Variants in ARHGAP24 observed in about 807,000 individuals in gnomAD.
ARHGAP24 encodes the protein Rho GTPase activating protein 24.
ARHGAP24 carries 50 observed loss-of-function variants against 76.4 expected under a neutral mutation model. The ratio of observed to expected loss-of-function variants is 0.65; its 90% CI spans 0.52 to 0.83. The LOEUF is 0.83. Among genes scored for constraint, ARHGAP24 ranks in the 40% least tolerant of loss-of-function variants. The pLI, the probability that ARHGAP24 is intolerant of heterozygous loss-of-function variation, is 0.00. For synonymous variants in ARHGAP24, 345 were observed against 323.3 expected, an observed-to-expected ratio of 1.07 and a Z score of -0.72; for missense variants, 930 against 914.2, an observed-to-expected ratio of 1.02 and a Z score of -0.22.
intron 3 of ARHGAP24, among the ~76,000 whole-genome samples, chr4:85,746,465 T>C (rs1225985590): frequency 6.6e-6 from 1 of 152,230 alleles, no homozygotes; most frequent in Non-Finnish European, 1.5e-5. Flanking sequence ...TTTTTTCTTA[T>C]ACTAGTTCTT....
intron 3 of ARHGAP24, among the ~76,000 whole-genome samples, chr4:85,862,847 T>A (rs982848711): frequency 2.6e-5 from 4 of 152,158 alleles, no homozygotes; most frequent in African/African-American, 9.6e-5. Context: ...CCCAAATATA[T>A]TTCACATCTT....
intron 2 of ARHGAP24, among the ~76,000 whole-genome samples, chr4:85,594,872 A>AT (rs1032256552): frequency 1.3e-5 from 2 of 152,136 alleles, no homozygotes; most frequent in East Asian, 3.9e-4. Context: ...ACAAAACCCA[A>AT]TTTTTTCTTC....
chr4:85,573,037 C>T (rs547602390), intron 2 of ARHGAP24, among the ~76,000 whole-genome samples: 2 of 151,844 alleles, frequency 1.3e-5, no homozygotes, highest in African/African-American at 2.4e-5. Flanking sequence ...CCACCACACC[C>T]GGCTAATTTT....
chr4:85,901,898 G>A (rs1223841860), intron 3 of ARHGAP24, among the ~76,000 whole-genome samples: 1 of 151,694 alleles, frequency 6.6e-6, no homozygotes, highest in African/African-American at 2.4e-5. Context: ...ATGGTGGTTT[G>A]CTGCACCTAT....
intron 3 of ARHGAP24, among the ~76,000 whole-genome samples, chr4:85,724,782 A>T (rs1004619683): frequency 1.3e-5 from 2 of 152,120 alleles, no homozygotes; most frequent in African/African-American, 4.8e-5. Flanking sequence ...TATGAAATGA[A>T]TTATCTCTCT....
chr4:85,887,635 A>T (rs1354282464), intron 3 of ARHGAP24, among the ~76,000 whole-genome samples: 1 of 152,158 alleles, frequency 6.6e-6, no homozygotes, highest in Non-Finnish European at 1.5e-5. Flanking sequence ...AAGACGCTAA[A>T]TTACTGTAAC....
At chr4:85,672,139 A>G (rs1463377664) in intron 2 of ARHGAP24, among the ~76,000 whole-genome samples, 3 of 152,174 alleles carry the variant, frequency 2.0e-5, no homozygotes, top group African/African-American at 4.8e-5. Context: ...CAGAAACCAT[A>G]TGGATTAAAT....
intron 3 of ARHGAP24, among the ~76,000 whole-genome samples, chr4:85,767,636 A>AC (rs1429689489): frequency 2.3e-5 from 3 of 130,906 alleles, no homozygotes; most frequent in African/African-American, 8.6e-5. Flanking sequence ...CATATAGATT[A>AC]CCCCAAAGGG....
intron 1 of ARHGAP24, among the ~76,000 whole-genome samples, chr4:85,520,695 C>G (rs6814983): frequency 0.12 from 18,421 of 152,162 alleles, 3,140 homozygotes; most frequent in African/African-American, 0.38. Flanking sequence ...GGTTGTACCA[C>G]TGCTGATTCA....
At position 85,974,938 on chromosome 4, in the gene ARHGAP24, C is replaced by A; in HGVS notation, c.783C>A (p.Tyr261Ter). 1 of 1,613,774 alleles carries A rather than the reference C, an allele frequency of 6.2e-7. No homozygotes were observed. Among genetic ancestry groups the A allele is most frequent in the Non-Finnish European group, 8.5e-7 (1 of 1,179,828 alleles). ...KQVKSLPVVN[Y>*]NLLKYICRFL... ...TGAAGAGTTTGCCAGTGGTAAATTA[C>A]AACCTCCTCAAGTATATTTGCAGGT... Residue 261 changes from tyrosine (Y) to a stop codon, truncating the protein, a stop_gained, in exon 7 of 10, where the codon TAC becomes TAA. Coordinates refer to ENST00000395184, the MANE Select transcript of ARHGAP24 (RefSeq NM_001025616.3). LOFTEE classifies it high-confidence loss of function.
intron 2 of ARHGAP24, among the ~76,000 whole-genome samples, chr4:85,617,534 A>G (rs898708973): frequency 1.3e-5 from 2 of 152,112 alleles, no homozygotes; most frequent in African/African-American, 2.4e-5. Context: ...TTGAATTTGT[A>G]TATAGTTATT....
At chr4:85,666,726 A>T (rs1049084139) in intron 2 of ARHGAP24, among the ~76,000 whole-genome samples, 7 of 152,180 alleles carry the variant, frequency 4.6e-5, no homozygotes, top group Non-Finnish European at 1.0e-4. Context: ...CAGGACCCTC[A>T]GCTGCAGGTC....
At chr4:85,546,377 T>A (rs1725922515) in intron 1 of ARHGAP24, among the ~76,000 whole-genome samples, 1 of 152,028 alleles carries the variant, frequency 6.6e-6, no homozygotes, top group African/African-American at 2.4e-5. Flanking sequence ...ATAAAGAGAA[T>A]TGAGAATAGA....
intron 3 of ARHGAP24, among the ~76,000 whole-genome samples, chr4:85,728,462 T>C (rs1325305203): frequency 6.6e-6 from 1 of 152,186 alleles, no homozygotes; most frequent in Non-Finnish European, 1.5e-5. Context: ...TCTATGTACA[T>C]GTGTGCATAA....
chr4:85,704,084 G>A (rs766911368), intron 2 of ARHGAP24, among the ~76,000 whole-genome samples: 2 of 152,098 alleles, frequency 1.3e-5, no homozygotes, highest in African/African-American at 4.8e-5. Flanking sequence ...AAATTCTTGC[G>A]TGCTGTTGTG....
intron 2 of ARHGAP24, among the ~76,000 whole-genome samples, chr4:85,675,573 A>C (rs868424874): frequency 6.6e-5 from 10 of 152,314 alleles, no homozygotes; most frequent in Middle Eastern, 3.4e-3. Flanking sequence ...GATTTCCCGT[A>C]ACATTTAAAG....
At chr4:85,722,086 G>A (rs1314116119) in intron 3 of ARHGAP24, 114 bp downstream of exon 3, 1 of 973,048 alleles carries the variant, frequency 1.0e-6, no homozygotes, top group Non-Finnish European at 1.6e-6. Flanking sequence ...CTTAATTTGA[G>A]GCTTGGTTAG....
intron 2 of ARHGAP24, among the ~76,000 whole-genome samples, chr4:85,631,278 C>T (rs956021448): frequency 9.9e-5 from 15 of 152,164 alleles, no homozygotes; most frequent in South Asian, 2.1e-4. Context: ...TCTTAATTCT[C>T]TATGTTTTAC....
intron 3 of ARHGAP24, among the ~76,000 whole-genome samples, chr4:85,885,446 C>A (rs2148772900): frequency 6.6e-6 from 1 of 152,076 alleles, no homozygotes; most frequent in Admixed American, 6.6e-5. Context: ...TTAGCTGTTA[C>A]CCAGTTTGGG....
Sources: allele counts gnomAD v4.1 joint callset (sites outside exome capture counted in the v4.1 genomes callset), GRCh38; gene constraint gnomAD v4.1.1; transcripts MANE v1.5; gene names NCBI Gene and HGNC (gene_info 2026-07-23, HGNC 2026-07-21).